ABI3BP: variants seen among roughly 807,000 people sequenced by gnomAD.
ABI3BP encodes the protein ABI family member 3 binding protein, also known as target of Nesh-SH3.
In ABI3BP, 216 loss-of-function variants were observed where a neutral mutation model predicts 268.6. That is an observed-to-expected ratio of 0.80 (90% CI 0.72 to 0.90). ABI3BP has a LOEUF of 0.90. ABI3BP is among the 40% of genes least tolerant of loss of function. The probability of loss-of-function intolerance (pLI) is 0.00; values close to 1 mark genes in which losing one functional copy is unlikely to be tolerated. For missense variants in ABI3BP, 2,090 were observed against 2,182.4 expected, an observed-to-expected ratio of 0.96 and a Z score of 0.84; for synonymous variants, 730 against 730.0, an observed-to-expected ratio of 1.00 and a Z score of 0.00.
chr3:100,767,686 G>A (rs149380417), intron 62 of ABI3BP, among the ~76,000 whole-genome samples: 4 of 151,986 alleles, frequency 2.6e-5, no homozygotes, highest in Admixed American at 6.5e-5. Context: ...CCTCCCATCC[G>A]TGGAAGGTTA....
intron 2 of ABI3BP, chr3:100,911,960 TG>T: frequency 1.1e-6 from 1 of 930,726 alleles, no homozygotes; most frequent in Non-Finnish European, 1.8e-6. Flanking sequence ...TTACTTCACT[TG>T]AGGAATTATA....
At chr3:100,897,238 C>T (rs1435603301) in intron 4 of ABI3BP, among the ~76,000 whole-genome samples, 2 of 152,106 alleles carry the variant, frequency 1.3e-5, no homozygotes, top group African/African-American at 4.8e-5. Flanking sequence ...AGCTCTCCTA[C>T]ATTGCTTGTG....
rs775977739 is a variant in ABI3BP at position 100,794,962 on chromosome 3, A to C, written c.3907T>G (p.Ser1303Ala). 1.9e-6 allele frequency: 3 copies of C among 1,569,944 alleles called. No homozygotes were observed. Among genetic ancestry groups the C allele is most frequent in the Non-Finnish European group, 1.7e-6 (2 of 1,157,900 alleles). Residue 1303 changes from serine to alanine, a missense_variant, in exon 54 of 68, where the codon TCC (serine) becomes GCC (alanine). Coordinates refer to ENST00000471714, the MANE Select transcript of ABI3BP (RefSeq NM_001375547.2). The part of the protein sequence containing the change: ...TRGIPFIPMI[S>A]PSPSQEELQT... Reference sequence around the variant, plus strand: ...AGTTCCTCTTGACTAGGACTTGGGGAAATCATGGGTATAAAAGGGATGCCT... The same window carrying C: ...AGTTCCTCTTGACTAGGACTTGGGGCAATCATGGGTATAAAAGGGATGCCT...
intron 55 of ABI3BP, among the ~76,000 whole-genome samples, chr3:100,790,760 A>G (rs2097176862): frequency 6.6e-6 from 1 of 151,838 alleles, no homozygotes; most frequent in South Asian, 2.1e-4. Flanking sequence ...AATTTAGCCT[A>G]TTTCTTCTTT....
At chr3:100,951,031 G>A (rs1034324295) in intron 1 of ABI3BP, among the ~76,000 whole-genome samples, 6 of 151,792 alleles carry the variant, frequency 4.0e-5, no homozygotes, top group Admixed American at 2.6e-4. Context: ...ACTGCTCACC[G>A]GAGAGTAACA....
intron 6 of ABI3BP, among the ~76,000 whole-genome samples, chr3:100,884,332 T>A (rs2040862785): frequency 6.6e-6 from 1 of 152,116 alleles, no homozygotes; most frequent in African/African-American, 2.4e-5. Context: ...CTCTTTTTTG[T>A]ATTTATATCT....
chr3:100,779,226 C>T (rs533386463), intron 58 of ABI3BP, among the ~76,000 whole-genome samples: 1 of 152,286 alleles, frequency 6.6e-6, no homozygotes, highest in Non-Finnish European at 1.5e-5. Context: ...CTGTAGGGAG[C>T]AGGCTCACTG....
chr3:100,900,543 A>G (rs2049830087), intron 3 of ABI3BP, among the ~76,000 whole-genome samples: 1 of 152,214 alleles, frequency 6.6e-6, no homozygotes, highest in Non-Finnish European at 1.5e-5. Context: ...TTTAGAGATG[A>G]AAGACATATT....
In ABI3BP at chr3:100,837,105, A is replaced by G; in HGVS notation, c.2131+19T>C. The G allele has an allele frequency of 1.3e-6, 2 of 1,528,470 alleles. No individual in the cohort carries two copies. Among genetic ancestry groups the G allele is most frequent in the Non-Finnish European group, 1.8e-6 (2 of 1,142,806 alleles). The allele number at this position is 1,528,470 out of a possible 1,614,324, so 94.7% of individuals were successfully genotyped here. A position where few individuals can be genotyped will look rare whatever the true frequency, so the allele number is the denominator to read the frequency against. On this transcript the variant is annotated intron_variant, in intron 27 of 67. Coordinates refer to ENST00000471714, the MANE Select transcript of ABI3BP (RefSeq NM_001375547.2). Reference sequence around the variant, plus strand: ...AAGCTCAGAGAAACATTGGCCAAGAAGGAAGAAAGCATCATTACCTATGGT... The same window carrying G: ...AAGCTCAGAGAAACATTGGCCAAGAGGGAAGAAAGCATCATTACCTATGGT...
At chr3:100,763,624 C>T (rs937754421) in intron 63 of ABI3BP, among the ~76,000 whole-genome samples, 2 of 151,982 alleles carry the variant, frequency 1.3e-5, no homozygotes, top group Non-Finnish European at 2.9e-5. Flanking sequence ...ATAAAGAGGG[C>T]CATACTGTCT....
At chr3:100,862,571 G>T (rs2099009984) in intron 13 of ABI3BP, 186 bp from the exon 14 acceptor site, 1 of 587,050 alleles carries the variant, frequency 1.7e-6, no homozygotes, top group African/African-American at 1.9e-5. Context: ...TTGATTAGTG[G>T]TCAGAGAGAG....
rs906183887 is a variant in ABI3BP, at chr3:100,811,765, G to C, written c.3456C>G (p.Ala1152=). 2.0e-6 allele frequency: 3 copies of C among 1,535,528 alleles called. No homozygotes were observed. Among genetic ancestry groups the C allele is most frequent in the Non-Finnish European group, 2.6e-6 (3 of 1,146,500 alleles). ...GCTCCTCTGGCCAGAGTGGTGCTTT[G>C]GCAGTGGGATATACATAGTCTGTTT... is the stretch of plus-strand genomic sequence containing the variant. ...PAKTDYVYPT[A]KAPLWPEEPK... is the part of the protein sequence containing the mutation. Residue 1152 remains alanine (A), a synonymous_variant, in exon 47 of 68, where the codon GCC becomes GCG. Transcript: ENST00000471714.
At chr3:100,813,432 T>C (rs1388082736) in intron 45 of ABI3BP, among the ~76,000 whole-genome samples, 1 of 152,166 alleles carries the variant, frequency 6.6e-6, no homozygotes, top group Non-Finnish European at 1.5e-5. Context: ...GTGGTTATTT[T>C]CTAGAATGAT....
chr3:100,904,418 C>A (rs1285616390), intron 2 of ABI3BP, among the ~76,000 whole-genome samples: 1 of 152,180 alleles, frequency 6.6e-6, no homozygotes, highest in Non-Finnish European at 1.5e-5. Flanking sequence ...AGCATGTCAG[C>A]ATGTTCTTGC....
chr3:100,869,877 T>C (rs965019955), intron 9 of ABI3BP, among the ~76,000 whole-genome samples: 1 of 152,186 alleles, frequency 6.6e-6, no homozygotes, highest in Non-Finnish European at 1.5e-5. Flanking sequence ...TCCATCACAG[T>C]TGTTTCCTTT....
intron 1 of ABI3BP, chr3:100,945,688 T>C (rs1443299088): frequency 4.6e-6 from 2 of 436,034 alleles, no homozygotes; most frequent in Admixed American, 5.1e-5. Flanking sequence ...TAAATAGAAT[T>C]TTATGAATAT....
intron 46 of ABI3BP, among the ~76,000 whole-genome samples, chr3:100,812,081 T>C (rs12152427): frequency 0.14 from 21,098 of 151,594 alleles, 1,908 homozygotes; most frequent in South Asian, 0.27. Context: ...GATAATTCCA[T>C]TTTCATTTTT....
At chr3:100,935,548 A>T (rs1356519578) in intron 1 of ABI3BP, among the ~76,000 whole-genome samples, 2 of 152,134 alleles carry the variant, frequency 1.3e-5, no homozygotes, top group Non-Finnish European at 2.9e-5. Context: ...GATAGGATTA[A>T]ATCTATAAAT....
At chr3:100,991,697 G>GT (rs1434650075) in intron 1 of ABI3BP, among the ~76,000 whole-genome samples, 24 of 152,072 alleles carry the variant, frequency 1.6e-4, no homozygotes, top group Admixed American at 6.5e-5. Flanking sequence ...ATAATTTGAT[G>GT]TTTTTTTCCA....
Sources: gnomAD v4.1 joint callset for allele counts (sites outside exome capture counted in the v4.1 genomes callset) on GRCh38, gnomAD v4.1.1 for gene constraint, MANE v1.5 for transcripts, NCBI Gene and HGNC (gene_info 2026-07-23, HGNC 2026-07-21) for gene names.